The following GAR1 variants were observed in gnomAD, a reference collection of about 807,000 sequenced individuals.
GAR1 encodes the protein H/ACA ribonucleoprotein complex subunit 1.
Under a neutral mutation model 29.3 loss-of-function variants are expected in GAR1, and 11 were observed. The ratio of observed to expected loss-of-function variants is 0.38; its 90% CI spans 0.24 to 0.62. The LOEUF is 0.62. Among genes scored for constraint, GAR1 ranks in the 20% least tolerant of loss-of-function variants. The pLI, the probability that GAR1 is intolerant of heterozygous loss-of-function variation, is 0.62. For synonymous variants in GAR1, 87 were observed against 93.3 expected (o/e 0.93, Z 0.39); for missense variants, 237 against 268.4 (o/e 0.88, Z 0.82).
chr4:109,817,404 G>A (rs1027171118), intron 2 of GAR1, among the ~76,000 whole-genome samples: 1 of 151,972 alleles, frequency 6.6e-6, no homozygotes, highest in Non-Finnish European at 1.5e-5. Context: ...GATTCCAGAT[G>A]TCCTTGAAAA....
chr4:109,822,390 T>G lies in GAR1; in HGVS notation c.473T>G (p.Leu158Ter). Reference protein sequence around the residue: ...PYKLLPLQRFLPRPPGEKGPP... With the variant: ...PYKLLPLQRF ...AAGCTGCTGCCACTGCAGAGGTTTTTACCTCGACCTCCAGGTGAGAAAGGA... is the reference window on the plus strand; with the variant it reads ...AAGCTGCTGCCACTGCAGAGGTTTTGACCTCGACCTCCAGGTGAGAAAGGA... Residue 158 changes from leucine to a stop codon, truncating the protein, a stop_gained, in exon 5 of 7, where the codon TTA becomes TGA. Transcript: ENST00000226796. LOFTEE classifies it high-confidence loss of function. The G allele has an allele frequency of 6.2e-7, 1 of 1,609,762 alleles. No individual in the cohort carries two copies. The highest frequency in any genetic ancestry group is 1.1e-5 in the South Asian group (1 of 90,622).
intron 2 of GAR1, among the ~76,000 whole-genome samples, chr4:109,817,604 C>G (rs946975586): frequency 6.6e-6 from 1 of 152,186 alleles, no homozygotes; most frequent in African/African-American, 2.4e-5. Flanking sequence ...TGTCAGTGTG[C>G]CAGGCACTGT....
At chr4:109,816,525 A>G in intron 2 of GAR1, 147 bp downstream of exon 2, 1 of 752,574 alleles carries the variant, frequency 1.3e-6, no homozygotes, top group East Asian at 2.5e-5. Flanking sequence ...AAGCTGAGGG[A>G]TACTTAGAAT....
intron 3 of GAR1, 103 bp from the exon 4 acceptor site, chr4:109,818,898 A>G (rs2125888972): frequency 1.5e-6 from 1 of 661,010 alleles, no homozygotes; most frequent in East Asian, 2.5e-5. Context: ...TCCTATATAT[A>G]TCCATACATT....
At chr4:109,816,075 T>C (rs1733339800) in intron 1 of GAR1, 78 bp from the exon 2 acceptor site, 1 of 1,376,068 alleles carries the variant, frequency 7.3e-7, no homozygotes, top group South Asian at 1.2e-5. Context: ...TATGGTGTTC[T>C]CACCGCAGCT....
intron 5 of GAR1, 83 bp from the exon 6 acceptor site, chr4:109,823,882 G>GT: frequency 1.2e-6 from 1 of 828,432 alleles, no homozygotes; most frequent in Admixed American, 1.9e-5. Flanking sequence ...AATATAAGAG[G>GT]TTATACAGTT....
chr4:109,821,938 G>T (rs1377765968), intron 4 of GAR1, among the ~76,000 whole-genome samples: 2 of 151,766 alleles, frequency 1.3e-5, no homozygotes, highest in Non-Finnish European at 2.9e-5. Context: ...AGTGAGAGTT[G>T]AACAGTGAGA....
intron 2 of GAR1, among the ~76,000 whole-genome samples, chr4:109,817,204 GA>G (rs1733377795): frequency 1.3e-5 from 2 of 151,388 alleles, no homozygotes; most frequent in East Asian, 1.9e-4. Flanking sequence ...TGACAGTGAG[GA>G]AAAAAAAGGA....
intron 4 of GAR1, among the ~76,000 whole-genome samples, chr4:109,821,096 T>C (rs975335488): frequency 1.3e-5 from 2 of 152,220 alleles, no homozygotes; most frequent in African/African-American, 4.8e-5. Context: ...TATGTTGAGA[T>C]TCAGCCCTCC....
Position 109,824,484 on chromosome 4 carries a change from C to G in GAR1, c.*53C>G, listed in dbSNP as rs185554750. ...TGACTTCTGCATTAACCTGCATGAT[C>G]TGTTTCTACTATGGATTGGAAACTT... On this transcript the variant is annotated 3_prime_UTR_variant, in exon 7 of 7. Coordinates refer to ENST00000226796, the MANE Select transcript of GAR1 (RefSeq NM_018983.4). 2 of 1,327,716 alleles carry G rather than the reference C, an allele frequency of 1.5e-6. No individual in the cohort carries two copies. The highest frequency in any genetic ancestry group is 3.4e-5 in the Admixed American group (2 of 58,256). 82.2% of individuals were successfully genotyped at this position (1,327,716 alleles called of 1,614,324 possible).
chr4:109,818,894 A>G (rs1437827771), intron 3 of GAR1, 107 bp from the exon 4 acceptor site: 2 of 650,460 alleles, frequency 3.1e-6, no homozygotes, highest in East Asian at 2.6e-5. Context: ...TCTTTCCTAT[A>G]TATATCCATA....
chr4:109,824,191 C>CT (rs3839183), intron 6 of GAR1, among the ~76,000 whole-genome samples, 158 bp downstream of exon 6: 7 of 151,002 alleles, frequency 4.6e-5, no homozygotes, highest in African/African-American at 9.7e-5. Flanking sequence ...TTTTATATCA[C>CT]TTTTTTTTTG....
Position 109,822,329 on chromosome 4 carries a change from C to T in GAR1, c.430-18C>T. ...TGTCCCCCAAGTTGTATACTAATTG[C>T]TTCTATTATGTTTCCAGTTTTATAT... is the stretch of plus-strand genomic sequence containing the variant. On this transcript the variant is annotated intron_variant, in intron 4 of 6. Coordinates refer to ENST00000226796, the MANE Select transcript of GAR1 (RefSeq NM_018983.4). 6.9e-7 allele frequency: 1 copy of T among 1,452,660 alleles called. No homozygotes were observed. The highest frequency in any genetic ancestry group is 9.5e-7 in the Non-Finnish European group (1 of 1,058,074). 90.0% of individuals were successfully genotyped at this position (1,452,660 alleles called of 1,614,324 possible).
intron 2 of GAR1, among the ~76,000 whole-genome samples, chr4:109,816,951 A>C (rs1733370960): frequency 6.6e-6 from 1 of 152,220 alleles, no homozygotes; most frequent in Non-Finnish European, 1.5e-5. Flanking sequence ...CCAGAGAGGA[A>C]ATCTAGAAAA....
intron 5 of GAR1, 99 bp downstream of exon 5, chr4:109,822,587 T>A (rs1579354681): frequency 8.0e-7 from 1 of 1,254,284 alleles, no homozygotes; most frequent in Admixed American, 2.9e-5. Flanking sequence ...ACCTCCCTTA[T>A]GGTTCTTTTT....
At position 109,817,961 on chromosome 4, in the gene GAR1, T is replaced by TG; in HGVS notation, c.241dup (p.Glu81GlyfsTer3). The TG allele has an allele frequency of 5.6e-6, 9 of 1,609,686 alleles. No homozygotes were observed. The highest frequency in any genetic ancestry group is 7.6e-6 in the Non-Finnish European group (9 of 1,177,784). ...TATTAGGAGAGTTCCTGCATCCCTG[T>TG]GAAGATGACATAGTTTGTAAATGTA... On this transcript the variant is annotated frameshift_variant, in exon 3 of 7. Transcript: ENST00000226796. LOFTEE classifies it high-confidence loss of function.
intron 2 of GAR1, among the ~76,000 whole-genome samples, chr4:109,816,790 T>TA (rs928512397): frequency 1.3e-5 from 2 of 152,056 alleles, no homozygotes; most frequent in Non-Finnish European, 2.9e-5. Context: ...AGCCGGGAGT[T>TA]AGAGACCAGC....
chr4:109,816,101 ATACTCAGAGGC>A lies in GAR1; in HGVS notation c.-12-48_-12-38del, dbSNP rs1733340878. 3.4e-5 allele frequency: 52 copies of A among 1,532,498 alleles called. No individual in the cohort carries two copies. In the South Asian group the frequency reaches 5.6e-4, roughly 17 times the overall value. 94.9% of individuals were successfully genotyped at this position (1,532,498 alleles called of 1,614,324 possible). ...CACCGCAGCTCCGAGGGGTTGGAGT[ATACTCAGAGGC>A]TACAGTGATCAGAAGACATAGGTCG... On this transcript the variant is annotated intron_variant, in intron 1 of 6. Transcript: ENST00000226796.
chr4:109,821,863 GA>G (rs554781623), intron 4 of GAR1, among the ~76,000 whole-genome samples: 1 of 152,108 alleles, frequency 6.6e-6, no homozygotes, highest in South Asian at 2.1e-4. Flanking sequence ...ACATTTTACA[GA>G]TAAGGAAACT....
Sources: allele counts gnomAD v4.1 joint callset (sites outside exome capture counted in the v4.1 genomes callset), GRCh38; gene constraint gnomAD v4.1.1; transcripts MANE v1.5; gene names NCBI Gene and HGNC (gene_info 2026-07-23, HGNC 2026-07-21).